Variants in EP400 observed in about 807,000 individuals in gnomAD.
EP400 encodes E1A binding protein p400.
Under a neutral mutation model 354.1 loss-of-function variants are expected in EP400, and 105 were observed. The observed-to-expected ratio is 0.30, with a 90% CI of 0.25 to 0.35. EP400 has a LOEUF of 0.35. Ranked by LOEUF, EP400 falls within the 10% of genes least tolerant of loss-of-function variation. EP400 has a pLI of 1.00. For synonymous variants in EP400, 1,646 were observed against 1,716.9 expected, an observed-to-expected ratio of 0.96 and a Z score of 1.02; for missense variants, 3,280 against 4,121.0, an observed-to-expected ratio of 0.80 and a Z score of 5.59.
At chr12:132,042,374 A>T (rs1232133853) in intron 32 of EP400, among the ~76,000 whole-genome samples, 1 of 152,178 alleles carries the variant, frequency 6.6e-6, no homozygotes, top group Non-Finnish European at 1.5e-5. Context: ...CTGTGTATTG[A>T]TGAGCAGAAG....
chr12:132,005,222 G>A, intron 13 of EP400, 38 bp downstream of exon 13: 1 of 1,463,700 alleles, frequency 6.8e-7, no homozygotes. Context: ...AGGGTTAAAA[G>A]CAGAAGCCGG....
chr12:131,987,686 C>A lies in EP400; in HGVS notation c.2224-19C>A, dbSNP rs767928864. 1.3e-6 allele frequency: 2 copies of A among 1,551,358 alleles called. No individual in the cohort carries two copies. Among genetic ancestry groups the A allele is most frequent in the Admixed American group, 1.9e-5 (1 of 53,716 alleles). ...CTCATCACATGCCGACCCCACCATC[C>A]CCCATGTATCATCTACAGGAGAACC... On this transcript the variant is annotated intron_variant, in intron 6 of 52. Coordinates refer to ENST00000389561, the MANE Select transcript of EP400 (RefSeq NM_015409.5).
In EP400 at chr12:132,027,986, A is replaced by C. The variant is rs1390122000; in HGVS notation, c.5110-31A>C. On this transcript the variant is annotated intron_variant, in intron 26 of 52. Coordinates refer to ENST00000389561, the MANE Select transcript of EP400 (RefSeq NM_015409.5). The surrounding 1 kb of genome is among the most constrained non-coding windows in gnomAD (Gnocchi z 4.9). ...CAGGAACTTGTCATTCTGTTTCTCA[A>C]GTAACTGTTTTTCATCACTTTTTGA... 1 of 1,602,524 alleles carries C rather than the reference A, an allele frequency of 6.2e-7. No homozygotes were observed. The highest frequency in any genetic ancestry group is 1.1e-5 in the South Asian group (1 of 90,516).
rs538209158 is a variant in EP400, at chr12:131,991,643, C to T, written c.2679+187C>T. ...TCGCCCAGGCTGGAGTGAAGTGGCA[C>T]GATCTCAGCTCACTGCAACCTCTGC... On this transcript the variant is annotated intron_variant, in intron 10 of 52. Transcript: ENST00000389561. Among the ~76,000 whole-genome samples the T allele has an allele frequency of 4.0e-5, 6 of 150,220 alleles. No individual in the cohort carries two copies. In the East Asian group the frequency reaches 9.8e-4, roughly 24 times the overall value.
rs1895425520 is a variant in EP400, at chr12:132,054,762, G to A, written c.7729-212G>A. On this transcript the variant is annotated intron_variant, in intron 43 of 52. Coordinates refer to ENST00000389561, the MANE Select transcript of EP400 (RefSeq NM_015409.5). The surrounding 1 kb of genome is among the most constrained non-coding windows in gnomAD (Gnocchi z 4.0). ...GGACAGTGGGATGGAGGGTCCCTGGGGTGGAGGGACAATGGGATAGGGGTG... is the reference window on the plus strand; with the variant it reads ...GGACAGTGGGATGGAGGGTCCCTGGAGTGGAGGGACAATGGGATAGGGGTG... Among the ~76,000 whole-genome samples the A allele has an allele frequency of 6.6e-6, 1 of 151,746 alleles. No individual in the cohort carries two copies. Among genetic ancestry groups the A allele is most frequent in the Non-Finnish European group, 1.5e-5 (1 of 67,930 alleles).
At chr12:132,044,342 GCCC>G (rs761650195) in intron 35 of EP400, 31 bp downstream of exon 35, 1 of 1,601,094 alleles carries the variant, frequency 6.2e-7, no homozygotes, top group South Asian at 1.1e-5. Flanking sequence ...CTGCCCTCTT[GCCC>G]CCCTGCTGAG....
intron 12 of EP400, 177 bp downstream of exon 12, chr12:131,995,133 G>A: frequency 1.8e-6 from 1 of 557,966 alleles, no homozygotes; most frequent in Non-Finnish European, 3.2e-6. Context: ...GCCCTCCTGG[G>A]TTGTGTGTCG....
At position 132,053,384 on chromosome 12, in the gene EP400, C is replaced by T. The variant is rs1197081069; in HGVS notation, c.7515C>T (p.Ala2505=). 3.2e-6 allele frequency: 5 copies of T among 1,558,436 alleles called. No homozygotes were observed. The highest frequency in any genetic ancestry group is 2.7e-5 in the African/African-American group (2 of 74,150). ...DQQKAQQPAV[A]QPPPPQPQPP... ...AGAAGGCACAGCAGCCGGCCGTGGCCCAGCCACCCCCGCCCCAGCCGCAGC... is the reference window on the plus strand; with the variant it reads ...AGAAGGCACAGCAGCCGGCCGTGGCTCAGCCACCCCCGCCCCAGCCGCAGC... The change falls in exon 43 of 53, where the codon GCC becomes GCT. Residue 2505 remains alanine (A), a synonymous_variant. Coordinates refer to ENST00000389561, the MANE Select transcript of EP400 (RefSeq NM_015409.5).
intron 41 of EP400, among the ~76,000 whole-genome samples, chr12:132,051,244 C>T (rs1299174382): frequency 2.0e-5 from 3 of 152,212 alleles, no homozygotes; most frequent in Non-Finnish European, 2.9e-5. Context: ...AAATGATGTG[C>T]ATCTGGTTTA....
chr12:131,971,363 T>C (rs1333009915), intron 2 of EP400, among the ~76,000 whole-genome samples: 1 of 152,344 alleles, frequency 6.6e-6, no homozygotes, highest in East Asian at 1.9e-4. Context: ...GTGTATATAC[T>C]ATATTATCTG....
rs1193584652 is a variant in EP400, at chr12:132,078,911, T to C, written c.*1238T>C. The C allele has an allele frequency of 1.3e-5, 2 of 152,242 alleles. No homozygotes were observed. Among genetic ancestry groups the C allele is most frequent in the Non-Finnish European group, 1.5e-5 (1 of 68,046 alleles). The allele number at this position is 152,242 out of a possible 1,614,324, so 9.4% of individuals were successfully genotyped here. ...GAAAATAAATGCAATTTTAGTGGAATTGATTGACAGTGTCTCCTTACTTTG... is the reference window on the plus strand; with the variant it reads ...GAAAATAAATGCAATTTTAGTGGAACTGATTGACAGTGTCTCCTTACTTTG... On this transcript the variant is annotated 3_prime_UTR_variant, in exon 53 of 53. Transcript: ENST00000389561.
chr12:131,956,549 G>T (rs1474424804), intron 1 of EP400, among the ~76,000 whole-genome samples: 2 of 152,060 alleles, frequency 1.3e-5, no homozygotes, highest in Non-Finnish European at 1.5e-5. Flanking sequence ...TAGATTTCTA[G>T]AAGTAGGGTT....
In EP400 at chr12:132,029,602, C is replaced by A; in HGVS notation, c.5382-99C>A. ...GGTTGAGCCCTGCTGTTTCCTGGGACTTGGACTGTCAGAAGTCTGCCCCAT... is the reference window on the plus strand; with the variant it reads ...GGTTGAGCCCTGCTGTTTCCTGGGAATTGGACTGTCAGAAGTCTGCCCCAT... On this transcript the variant is annotated intron_variant, in intron 27 of 52. Transcript: ENST00000389561. This position sits in a 1 kb window ranked among gnomAD's most constrained non-coding sequence, Gnocchi z 4.7. The A allele has an allele frequency of 1.5e-6, 2 of 1,347,244 alleles. No homozygotes were observed. The highest frequency in any genetic ancestry group is 2.1e-6 in the Non-Finnish European group (2 of 964,092). 83.5% of individuals were successfully genotyped at this position (1,347,244 alleles called of 1,614,324 possible).
intron 41 of EP400, among the ~76,000 whole-genome samples, chr12:132,051,965 G>A (rs1266392888): frequency 6.6e-6 from 1 of 152,168 alleles, no homozygotes; most frequent in Non-Finnish European, 1.5e-5. Context: ...GGCCCTGTCC[G>A]GGCATAACAG....
intron 1 of EP400, among the ~76,000 whole-genome samples, chr12:131,955,443 C>T (rs552736892): frequency 4.7e-4 from 71 of 151,782 alleles, no homozygotes; most frequent in Non-Finnish European, 8.7e-4. Flanking sequence ...CCACCATGCC[C>T]GGCTAATTTT....
chr12:132,023,983 A>G (rs768470952), intron 24 of EP400, 42 bp downstream of exon 24: 15 of 1,510,300 alleles, frequency 9.9e-6, no homozygotes, highest in Non-Finnish European at 1.3e-5. Flanking sequence ...AAAAATGACA[A>G]AAGCGCCTCA....
chr12:131,972,250 T>C (rs1468399815), intron 2 of EP400, among the ~76,000 whole-genome samples: 1 of 151,936 alleles, frequency 6.6e-6, no homozygotes, highest in Non-Finnish European at 1.5e-5. Flanking sequence ...CCTCCTGGGT[T>C]CACGCCATTC....
intron 12 of EP400, among the ~76,000 whole-genome samples, chr12:132,001,737 A>G (rs994506135): frequency 3.9e-5 from 6 of 152,230 alleles, no homozygotes; most frequent in African/African-American, 1.4e-4. Context: ...CTGTCCGGGC[A>G]TAACAGAAGG....
intron 32 of EP400, among the ~76,000 whole-genome samples, chr12:132,040,628 A>C (rs1894869312): frequency 2.0e-5 from 3 of 152,314 alleles, no homozygotes; most frequent in South Asian, 4.1e-4. Flanking sequence ...AAAGACAAAA[A>C]TTTCATGAAG....
Sources: gnomAD v4.1 joint callset for allele counts (sites outside exome capture counted in the v4.1 genomes callset) on GRCh38, gnomAD v4.1.1 for gene constraint, Gnocchi (gnomAD v3.1) non-coding constraint, MANE v1.5 for transcripts, NCBI Gene and HGNC (gene_info 2026-07-23, HGNC 2026-07-21) for gene names.